Variants in ACSBG1 observed in about 807,000 individuals in gnomAD.
ACSBG1 encodes the protein acyl-CoA synthetase bubblegum family member 1, also known as long-chain-fatty-acid--CoA ligase ACSBG1.
A neutral mutation model predicts 80.2 loss-of-function variants in ACSBG1; 39 were observed. The ratio of observed to expected loss-of-function variants is 0.49; its 90% CI spans 0.38 to 0.64. ACSBG1 has a LOEUF of 0.64. Ranked by LOEUF, ACSBG1 falls within the 30% of genes least tolerant of loss-of-function variation. The pLI, the probability that ACSBG1 is intolerant of heterozygous loss-of-function variation, is 0.00. For missense variants in ACSBG1, 828 were observed against 966.4 expected (o/e 0.86, Z 1.90); for synonymous variants, 392 against 379.5 (o/e 1.03, Z -0.38).
intron 1 of ACSBG1, among the ~76,000 whole-genome samples, chr15:78,228,806 C>T (rs751259009): frequency 6.6e-6 from 1 of 152,218 alleles, no homozygotes; most frequent in Admixed American, 6.5e-5. Context: ...CATCCCACCT[C>T]GGGGCCTTTG....
chr15:78,198,157 C>T (rs139312386), intron 2 of ACSBG1, among the ~76,000 whole-genome samples: 2,146 of 152,220 alleles, frequency 0.014, 19 homozygotes, highest in South Asian at 0.036. Context: ...CTGTCTCAGC[C>T]TCCCGAGTAG....
intron 2 of ACSBG1, among the ~76,000 whole-genome samples, chr15:78,203,752 G>A (rs1362867909): frequency 6.6e-6 from 1 of 152,248 alleles, no homozygotes; most frequent in African/African-American, 2.4e-5. Flanking sequence ...TGTGGGAAAG[G>A]CTGCAGGAAA....
chr15:78,190,881 A>G (rs2075051202), intron 5 of ACSBG1, among the ~76,000 whole-genome samples: 1 of 137,514 alleles, frequency 7.3e-6, no homozygotes. Flanking sequence ...TAAAAAAGAC[A>G]AAAAAGTCAG....
Position 78,175,357 on chromosome 15 carries a change from C to T in ACSBG1, c.1703-833G>A, listed in dbSNP as rs555082844. Reference sequence around the variant, plus strand: ...TCAAAAAAGATTAATTGGTCACATTCTGTGCACAGGTCCTGTGCTGACATC... The same window carrying T: ...TCAAAAAAGATTAATTGGTCACATTTTGTGCACAGGTCCTGTGCTGACATC... On this transcript the variant is annotated intron_variant, in intron 11 of 13. Transcript: ENST00000258873. 5.8e-4 allele frequency among the ~76,000 whole-genome samples: 89 copies of T among 152,384 alleles called. 1 individual carries two copies. In the South Asian group the frequency reaches 6.2e-3, roughly 11 times the overall value.
chr15:78,226,795 TATATATA>T (rs1348981715), intron 1 of ACSBG1, among the ~76,000 whole-genome samples: 14 of 144,014 alleles, frequency 9.7e-5, no homozygotes, highest in Non-Finnish European at 2.1e-4. Flanking sequence ...AATATATATA[TATATATA>T]ATATATATAT....
At chr15:78,187,742 G>A (rs1249164274) in intron 5 of ACSBG1, among the ~76,000 whole-genome samples, 1 of 152,186 alleles carries the variant, frequency 6.6e-6, no homozygotes, top group Admixed American at 6.5e-5. Flanking sequence ...AAAACTGGAA[G>A]CATTCCCTTT....
At position 78,175,937 on chromosome 15, in the gene ACSBG1, C is replaced by CTTACCAGCATCTTTTACCA. The variant is rs536827580; in HGVS notation, c.1703-1432_1703-1414dup. Among the ~76,000 whole-genome samples the CTTACCAGCATCTTTTACCA allele has an allele frequency of 6.0e-3, 911 of 152,202 alleles. 7 individuals carry two copies. The highest frequency in any genetic ancestry group is 9.8e-3 in the Non-Finnish European group (669 of 67,982). ...TCTCCTCACTACGGCCCTCTGCATT[C>CTTACCAGCATCTTTTACCA]TTACCAGCATCTTTTACCATTAGTA... On this transcript the variant is annotated intron_variant, in intron 11 of 13. Coordinates refer to ENST00000258873, the MANE Select transcript of ACSBG1 (RefSeq NM_015162.5).
chr15:78,215,758 G>C (rs2075305400), intron 1 of ACSBG1, among the ~76,000 whole-genome samples: 1 of 148,922 alleles, frequency 6.7e-6, no homozygotes, highest in Admixed American at 6.7e-5. Flanking sequence ...AAGAAAGAAA[G>C]AAAGAAAGAA....
At chr15:78,216,435 G>T (rs1448672734) in intron 1 of ACSBG1, among the ~76,000 whole-genome samples, 1 of 152,170 alleles carries the variant, frequency 6.6e-6, no homozygotes, top group Non-Finnish European at 1.5e-5. Context: ...GGAGGCTAGC[G>T]CAGAGGAGAG....
In ACSBG1 at chr15:78,207,983, C is replaced by G; in HGVS notation, c.232+19G>C. The G allele has an allele frequency of 1.5e-6, 1 of 677,910 alleles. No individual in the cohort carries two copies. The highest frequency in any genetic ancestry group is 1.4e-5 in the South Asian group (1 of 73,220). 42.0% of individuals were successfully genotyped at this position (677,910 alleles called of 1,614,324 possible). ...CAGTTTCCCGCCCTGCCCCACCCTACCACCCCCAGCTGGCTTACCTGGAGC... is the reference window on the plus strand; with the variant it reads ...CAGTTTCCCGCCCTGCCCCACCCTAGCACCCCCAGCTGGCTTACCTGGAGC... On this transcript the variant is annotated intron_variant, in intron 2 of 13. Coordinates refer to ENST00000258873, the MANE Select transcript of ACSBG1 (RefSeq NM_015162.5).
At chr15:78,174,638 C>G (rs1034891260) in intron 11 of ACSBG1, 114 bp from the exon 12 acceptor site, 2 of 1,315,176 alleles carry the variant, frequency 1.5e-6, no homozygotes, top group African/African-American at 1.5e-5. Flanking sequence ...GAGATGCCCC[C>G]TTTCTGGGAG....
At chr15:78,210,874 A>G (rs1262779638) in intron 1 of ACSBG1, among the ~76,000 whole-genome samples, 1 of 152,112 alleles carries the variant, frequency 6.6e-6, no homozygotes, top group African/African-American at 2.4e-5. Context: ...TTGGCCTCCT[A>G]AAGTACTGGG....
chr15:78,173,913 T>A, intron 12 of ACSBG1, 74 bp from the exon 13 acceptor site: 1 of 1,537,190 alleles, frequency 6.5e-7, no homozygotes, highest in Admixed American at 2.0e-5. Flanking sequence ...GAGGAGGTCT[T>A]ACTGCTGTCG....
intron 1 of ACSBG1, among the ~76,000 whole-genome samples, chr15:78,222,053 C>T (rs1160398925): frequency 2.6e-5 from 4 of 152,104 alleles, no homozygotes; most frequent in African/African-American, 9.7e-5. Context: ...CCCAAATGTC[C>T]ATCAACTGAG....
intron 1 of ACSBG1, among the ~76,000 whole-genome samples, chr15:78,233,469 CCT>C (rs954964045): frequency 2.6e-5 from 4 of 152,162 alleles, no homozygotes; most frequent in African/African-American, 4.8e-5. Flanking sequence ...GTATTTAGCC[CCT>C]GTCCTCCCCA....
intron 1 of ACSBG1, among the ~76,000 whole-genome samples, chr15:78,211,696 C>A (rs759161536): frequency 6.6e-6 from 1 of 152,142 alleles, no homozygotes. Context: ...GTCTGCACTG[C>A]GCCTTTCTCT....
At chr15:78,215,092 G>A (rs1403222094) in intron 1 of ACSBG1, among the ~76,000 whole-genome samples, 3 of 151,270 alleles carry the variant, frequency 2.0e-5, no homozygotes, top group Non-Finnish European at 4.4e-5. Context: ...GTTTTTTGTT[G>A]TCACAGGACT....
At chr15:78,217,366 G>C (rs1038952257) in intron 1 of ACSBG1, among the ~76,000 whole-genome samples, 1 of 152,164 alleles carries the variant, frequency 6.6e-6, no homozygotes, top group African/African-American at 2.4e-5. Context: ...TTGGTTAGCA[G>C]AGTCACAATA....
At chr15:78,193,398 G>A (rs895419541) in intron 5 of ACSBG1, 108 bp downstream of exon 5, 23 of 1,477,218 alleles carry the variant, frequency 1.6e-5, no homozygotes, top group Non-Finnish European at 1.9e-5. Context: ...TTGCCGTTGA[G>A]GATGAGGACA....
Sources: allele counts gnomAD v4.1 joint callset (sites outside exome capture counted in the v4.1 genomes callset), GRCh38; gene constraint gnomAD v4.1.1; transcripts MANE v1.5; gene names NCBI Gene and HGNC (gene_info 2026-07-23, HGNC 2026-07-21).